Variants in DNAH14 observed in about 807,000 individuals in gnomAD.
DNAH14 encodes dynein axonemal heavy chain 14, also known as axonemal beta dynein heavy chain 14.
Under a neutral mutation model 520.9 loss-of-function variants are expected in DNAH14, and 478 were observed. The ratio of observed to expected loss-of-function variants is 0.92; its 90% confidence interval spans 0.85 to 0.99. DNAH14 has a LOEUF of 0.99. DNAH14 is among the 50% of genes least tolerant of loss of function. The probability of loss-of-function intolerance (pLI) is 0.00; values close to 1 mark genes in which losing one functional copy is unlikely to be tolerated. For missense variants in DNAH14, 4,831 were observed against 5,234.5 expected, an observed-to-expected ratio of 0.92 and a Z score of 2.38; for synonymous variants, 1,581 against 1,757.2, an observed-to-expected ratio of 0.90 and a Z score of 2.51.
intron 46 of DNAH14, among the ~76,000 whole-genome samples, chr1:225,259,833 C>T (rs1240168732): frequency 6.6e-6 from 1 of 152,096 alleles, no homozygotes; most frequent in African/African-American, 2.4e-5. Context: ...CTGTGCCTGG[C>T]TTATTTCACT....
At position 225,207,224 on chromosome 1, in the gene DNAH14, A is replaced by G; in HGVS notation, c.6439+4A>G. 6.6e-7 allele frequency: 1 copy of G among 1,507,920 alleles called. No individual in the cohort carries two copies. The allele number at this position is 1,507,920 out of a possible 1,614,324, so 93.4% of individuals were successfully genotyped here. ...AAAAATGGAGGATTTGAACAAAGTG[A>G]GTTTTTTTCTCTAAGTCATATCAAT... On this transcript the variant is annotated splice_donor_region_variant and intron_variant, in intron 41 of 85. Coordinates refer to ENST00000682510, the MANE Select transcript of DNAH14 (RefSeq NM_001367479.1).
At chr1:225,144,263 T>A in intron 28 of DNAH14, 134 bp from the exon 29 acceptor site, 1 of 691,338 alleles carries the variant, frequency 1.4e-6, no homozygotes, top group Non-Finnish European at 2.4e-6. Flanking sequence ...ACTTCTCATT[T>A]GATTTTAATT....
chr1:225,216,181 C>T (rs1345696791), intron 41 of DNAH14, among the ~76,000 whole-genome samples: 4 of 152,162 alleles, frequency 2.6e-5, no homozygotes, highest in African/African-American at 9.7e-5. Flanking sequence ...ATATGAAATT[C>T]TGGGTTGAAA....
In DNAH14 at chr1:225,297,281, G is replaced by T. The variant is rs568811239; in HGVS notation, c.8470-3588G>T. Reference sequence around the variant, plus strand: ...AACCATAAACTATCTTCCTGATTTTGTTGAGTTGTCTATCTTTATCTTGTA... The same window carrying T: ...AACCATAAACTATCTTCCTGATTTTTTTGAGTTGTCTATCTTTATCTTGTA... On this transcript the variant is annotated intron_variant, in intron 55 of 85. Coordinates refer to ENST00000682510, the MANE Select transcript of DNAH14 (RefSeq NM_001367479.1). Among the ~76,000 whole-genome samples the T allele has an allele frequency of 4.9e-4, 74 of 151,970 alleles. 1 individual carries two copies. Among genetic ancestry groups the T allele is most frequent in the Non-Finnish European group, 1.0e-4 (7 of 67,962 alleles).
chr1:225,264,749 A>G (rs1304290085), intron 47 of DNAH14, among the ~76,000 whole-genome samples: 2 of 152,142 alleles, frequency 1.3e-5, no homozygotes, highest in African/African-American at 4.8e-5. Flanking sequence ...TGGCCTAGAG[A>G]TAGCTGTAGA....
intron 8 of DNAH14, among the ~76,000 whole-genome samples, chr1:225,002,540 T>C (rs1572381242): frequency 2.0e-5 from 3 of 152,228 alleles, no homozygotes; most frequent in East Asian, 1.9e-4. Context: ...CATAACAGAA[T>C]GTCATTACTT....
At chr1:225,362,547 C>T (rs2095504446) in intron 75 of DNAH14, among the ~76,000 whole-genome samples, 1 of 146,968 alleles carries the variant, frequency 6.8e-6, no homozygotes. Context: ...TGCACTCCAG[C>T]CTGGGCAACT....
intron 41 of DNAH14, among the ~76,000 whole-genome samples, chr1:225,219,505 T>C (rs2089814226): frequency 1.3e-5 from 2 of 152,044 alleles, no homozygotes; most frequent in Admixed American, 1.3e-4. Context: ...TAATACAAGC[T>C]ACCATCAGAG....
chr1:224,956,194 G>C (rs1026286613), intron 3 of DNAH14, among the ~76,000 whole-genome samples: 3 of 151,658 alleles, frequency 2.0e-5, no homozygotes, highest in Admixed American at 6.6e-5. Flanking sequence ...ACTTCTCTGT[G>C]TTCCCTTTAA....
intron 43 of DNAH14, among the ~76,000 whole-genome samples, chr1:225,244,349 G>C (rs2092149726): frequency 6.6e-6 from 1 of 152,132 alleles, no homozygotes; most frequent in African/African-American, 2.4e-5. Flanking sequence ...TTTGGCATCA[G>C]GATGATGCTG....
chr1:225,340,054 G>GA (rs1409487725), intron 68 of DNAH14, among the ~76,000 whole-genome samples: 2 of 100,416 alleles, frequency 2.0e-5, no homozygotes, highest in Non-Finnish European at 3.9e-5. Context: ...TAAAGCTATT[G>GA]AAATTTTTTT....
At chr1:225,133,325 G>A (rs1484351831) in intron 27 of DNAH14, among the ~76,000 whole-genome samples, 1 of 152,108 alleles carries the variant, frequency 6.6e-6, no homozygotes, top group African/African-American at 2.4e-5. Context: ...GACTGGTATT[G>A]CCTAGATTTT....
chr1:224,991,473 A>T (rs1322787749), intron 8 of DNAH14, among the ~76,000 whole-genome samples: 1 of 149,778 alleles, frequency 6.7e-6, no homozygotes, highest in Non-Finnish European at 1.5e-5. Flanking sequence ...CCCATTTTCT[A>T]ATTGGGTTGT....
chr1:225,308,505 T>C (rs913015310), intron 60 of DNAH14, 95 bp downstream of exon 60: 2 of 1,240,498 alleles, frequency 1.6e-6, no homozygotes, highest in Admixed American at 3.2e-5. Flanking sequence ...TAGTCTTAAA[T>C]ACATAGTGCC....
chr1:225,242,704 TAAAC>T (rs1252314550), intron 43 of DNAH14, among the ~76,000 whole-genome samples: 1 of 152,228 alleles, frequency 6.6e-6, no homozygotes, highest in East Asian at 1.9e-4. Context: ...TGTAAATACA[TAAAC>T]CAGTAACGTA....
At position 225,123,581 on chromosome 1, in the gene DNAH14, G is replaced by T. The variant is rs1340698234; in HGVS notation, c.4221G>T (p.Val1407=). The part of the protein sequence containing the change: ...DWNCQMFSQW[V]LSHPGQVVLT... ...ACTGCCAGATGTTTTCCCAATGGGT[G>T]TTATCTCATCCAGGACAAGTGGTAC... Residue 1407 remains valine, a synonymous_variant, in exon 27 of 86, where the codon GTG becomes GTT. Coordinates refer to ENST00000682510, the MANE Select transcript of DNAH14 (RefSeq NM_001367479.1). 6 of 434,446 alleles carry T rather than the reference G, an allele frequency of 1.4e-5. No individual in the cohort carries two copies. Among genetic ancestry groups the T allele is most frequent in the Admixed American group, 4.9e-5 (2 of 40,732 alleles). The allele number at this position is 434,446 out of a possible 1,614,324, so 26.9% of individuals were successfully genotyped here.
intron 11 of DNAH14, among the ~76,000 whole-genome samples, chr1:225,035,589 G>A (rs1231341404): frequency 6.6e-6 from 1 of 151,810 alleles, no homozygotes; most frequent in African/African-American, 2.4e-5. Context: ...GTTTGGGTAT[G>A]TTATGTTGGT....
chr1:225,278,856 T>C (rs2093557549), intron 54 of DNAH14, among the ~76,000 whole-genome samples: 1 of 152,214 alleles, frequency 6.6e-6, no homozygotes, highest in African/African-American at 2.4e-5. Context: ...GAATCTGGCC[T>C]TAATAGTTTC....
chr1:225,075,996 A>AGG (rs995950511), intron 17 of DNAH14, among the ~76,000 whole-genome samples: 2 of 17,142 alleles, frequency 1.2e-4, no homozygotes, highest in African/African-American at 1.4e-4. Flanking sequence ...GGTCCAGCCT[A>AGG]GGGCCTGGAT....
Sources: allele counts gnomAD v4.1 joint callset (sites outside exome capture counted in the v4.1 genomes callset), GRCh38; gene constraint gnomAD v4.1.1; transcripts MANE v1.5; gene names NCBI Gene and HGNC (gene_info 2026-07-23, HGNC 2026-07-21).